The following COG2 variants were observed in gnomAD, a reference collection of about 807,000 sequenced individuals.
COG2 encodes component of oligomeric golgi complex 2, also known as conserved oligomeric Golgi complex subunit 2.
COG2 carries 52 observed loss-of-function variants against 90.6 expected under a neutral mutation model. That is an observed-to-expected ratio of 0.57 (90% CI 0.46 to 0.72). The LOEUF (loss-of-function observed/expected upper bound fraction) is 0.72, where lower values mean the gene tolerates loss of function less well. COG2 is among the 30% of genes least tolerant of loss of function. The pLI, the probability that COG2 is intolerant of heterozygous loss-of-function variation, is 0.00. For synonymous variants in COG2, 337 were observed against 320.4 expected, an observed-to-expected ratio of 1.05 and a Z score of -0.55; for missense variants, 829 against 891.2, an observed-to-expected ratio of 0.93 and a Z score of 0.89.
Position 230,687,082 on chromosome 1 carries a change from C to T in COG2, c.1528C>T (p.Arg510Cys), listed in dbSNP as rs142812849. 2.8e-4 allele frequency: 449 copies of T among 1,613,452 alleles called. 1 individual carries two copies. The African/African-American group carries it at 5.1e-3, about 18-fold the overall frequency. Residue 510 changes from arginine to cysteine, a missense_variant, in exon 13 of 18, where the codon CGC (arginine) becomes TGC (cysteine). Coordinates refer to ENST00000366669, the MANE Select transcript of COG2 (RefSeq NM_007357.3). Reference sequence around the variant, plus strand: ...AACAAAGCCTGTGGTTTCCATTTCCCGCACTCAGCTCGTGTATGTGGTTGC... The same window carrying T: ...AACAAAGCCTGTGGTTTCCATTTCCTGCACTCAGCTCGTGTATGTGGTTGC... ...SETKPVVSIS[R>C]TQLVYVVADL...
At chr1:230,645,791 C>CG (rs1321865149) in intron 1 of COG2, among the ~76,000 whole-genome samples, 14 of 152,072 alleles carry the variant, frequency 9.2e-5, no homozygotes, top group African/African-American at 3.4e-4. Flanking sequence ...ACAGATCATT[C>CG]AGCATTAGGT....
chr1:230,656,652 G>A (rs1662059853), intron 1 of COG2, among the ~76,000 whole-genome samples: 1 of 152,156 alleles, frequency 6.6e-6, no homozygotes, highest in Non-Finnish European at 1.5e-5. Context: ...CTGTCTTGTT[G>A]ATCTGTCTAA....
rs79267965 is a variant in COG2 at position 230,665,988 on chromosome 1, G to A, written c.485+1401G>A. On this transcript the variant is annotated intron_variant, in intron 5 of 17. Transcript: ENST00000366669. ...TCCAGGGCACTGTTCTTGGGACTGTGCTCTTGATCAGCACTTTCTGGGTAA... is the reference window on the plus strand; with the variant it reads ...TCCAGGGCACTGTTCTTGGGACTGTACTCTTGATCAGCACTTTCTGGGTAA... Among the ~76,000 whole-genome samples, 575 of 152,212 alleles carry A rather than the reference G, an allele frequency of 3.8e-3. 4 individuals are homozygous for A. Among genetic ancestry groups the A allele is most frequent in the African/African-American group, 0.013 (543 of 41,528 alleles).
At chr1:230,683,477 G>C (rs1418357541) in intron 10 of COG2, 97 bp from the exon 11 acceptor site, 3 of 864,528 alleles carry the variant, frequency 3.5e-6, no homozygotes, top group Non-Finnish European at 5.8e-6. Context: ...GTGAGTGACA[G>C]AGGAAGTTCC....
intron 1 of COG2, among the ~76,000 whole-genome samples, chr1:230,649,227 A>T (rs1393939398): frequency 1.3e-5 from 2 of 152,238 alleles, no homozygotes; most frequent in African/African-American, 2.4e-5. Context: ...AGGCTTCAGT[A>T]ATTTGGTAAC....
intron 1 of COG2, among the ~76,000 whole-genome samples, chr1:230,647,300 A>G (rs1232405260): frequency 6.6e-6 from 1 of 152,170 alleles, no homozygotes; most frequent in African/African-American, 2.4e-5. Context: ...GGGTCTTGGA[A>G]TATATCTCCC....
Position 230,687,116 on chromosome 1 carries a change from A to G in COG2, c.1562A>G (p.Asp521Gly), listed in dbSNP as rs1558280031. The change falls in exon 13 of 18, where the codon GAC becomes GGC. Residue 521 changes from aspartate to glycine, a missense_variant. Coordinates refer to ENST00000366669, the MANE Select transcript of COG2 (RefSeq NM_007357.3). The part of the protein sequence containing the change: ...TQLVYVVADL[D>G]KLQEQLPELL... ...CTCGTGTATGTGGTTGCAGACCTGG[A>G]CAAGCTTCAGGAGCAGGTAAGCCTG... is the stretch of plus-strand genomic sequence containing the variant. 6.2e-7 allele frequency: 1 copy of G among 1,611,106 alleles called. No individual in the cohort carries two copies. Among genetic ancestry groups the G allele is most frequent in the African/African-American group, 1.3e-5 (1 of 74,984 alleles).
chr1:230,675,544 G>C (rs945490460), intron 9 of COG2, among the ~76,000 whole-genome samples: 4 of 152,112 alleles, frequency 2.6e-5, no homozygotes, highest in African/African-American at 7.2e-5. Flanking sequence ...AAAGGAATTG[G>C]TTGGATTTTA....
chr1:230,687,131 A>G lies in COG2; in HGVS notation c.1577A>G (p.Gln526Arg). 1 of 1,607,914 alleles carries G rather than the reference A, an allele frequency of 6.2e-7. No individual in the cohort carries two copies. Among genetic ancestry groups the G allele is most frequent in the South Asian group, 1.1e-5 (1 of 89,760 alleles). ...VVADLDKLQE[Q>R]LPELLEIIKP... Reference sequence around the variant, plus strand: ...GCAGACCTGGACAAGCTTCAGGAGCAGGTAAGCCTGTGTCCCAGAATAATT... The same window carrying G: ...GCAGACCTGGACAAGCTTCAGGAGCGGGTAAGCCTGTGTCCCAGAATAATT... The change falls in exon 13 of 18, where the codon CAG (glutamine) becomes CGG (arginine). Residue 526 changes from glutamine (Q) to arginine (R), a missense_variant and splice_region_variant. Transcript: ENST00000366669.
intron 4 of COG2, 95 bp downstream of exon 4, chr1:230,663,316 G>A: frequency 1.3e-6 from 1 of 774,590 alleles, no homozygotes. Context: ...TACTCTTCTT[G>A]ATACCTTTGC....
intron 9 of COG2, chr1:230,677,985 G>A (rs1662640913): frequency 1.0e-6 from 1 of 982,682 alleles, no homozygotes; most frequent in Admixed American, 6.2e-5. Flanking sequence ...ACATAAGTTT[G>A]CCCAAAACCA....
chr1:230,667,337 G>A (rs547139885), intron 5 of COG2, among the ~76,000 whole-genome samples: 2 of 152,044 alleles, frequency 1.3e-5, no homozygotes, highest in South Asian at 4.2e-4. Context: ...AGTCTTCCTT[G>A]CTCCGAATCA....
Position 230,693,535 on chromosome 1 carries a change from A to T in COG2, c.*142A>T, listed in dbSNP as rs1439587558. ...CCAGCATCACTCCAGCAACACGCCCATGCGTCTTCTCTCAGCGTATTTGGG... is the reference window on the plus strand; with the variant it reads ...CCAGCATCACTCCAGCAACACGCCCTTGCGTCTTCTCTCAGCGTATTTGGG... On this transcript the variant is annotated 3_prime_UTR_variant, in exon 18 of 18. Transcript: ENST00000366669. 4 of 542,582 alleles carry T rather than the reference A, an allele frequency of 7.4e-6. No homozygotes were observed. Among genetic ancestry groups the T allele is most frequent in the Non-Finnish European group, 1.3e-5 (4 of 300,806 alleles). 33.6% of individuals were successfully genotyped at this position (542,582 alleles called of 1,614,324 possible). A position where few individuals can be genotyped will look rare whatever the true frequency, so the allele number is the denominator to read the frequency against.
rs966944753 is a variant in COG2, at chr1:230,693,686, T to C, written c.*293T>C. The C allele has an allele frequency of 1.3e-5, 3 of 228,192 alleles. No homozygotes were observed. The highest frequency in any genetic ancestry group is 1.1e-4 in the Admixed American group (2 of 17,582). 14.1% of individuals were successfully genotyped at this position (228,192 alleles called of 1,614,324 possible). Reference sequence around the variant, plus strand: ...TTTATTTTTATTGTAAATCTTAGTGTGGAAGAGCTGATTTCTAAAATATGA... The same window carrying C: ...TTTATTTTTATTGTAAATCTTAGTGCGGAAGAGCTGATTTCTAAAATATGA... On this transcript the variant is annotated 3_prime_UTR_variant, in exon 18 of 18. Transcript: ENST00000366669.
chr1:230,648,303 C>T (rs1405080795), intron 1 of COG2, among the ~76,000 whole-genome samples: 1 of 152,246 alleles, frequency 6.6e-6, no homozygotes, highest in African/African-American at 2.4e-5. Flanking sequence ...CCCAGTGTTG[C>T]TGAGTGCCGG....
intron 1 of COG2, chr1:230,642,972 G>T: frequency 7.8e-6 from 3 of 382,228 alleles, no homozygotes; most frequent in Non-Finnish European, 1.4e-5. Flanking sequence ...TTACCATGCA[G>T]TGCAGTCAGA....
Position 230,685,064 on chromosome 1 carries a change from T to G in COG2, c.1229-21T>G. 6 of 1,610,942 alleles carry G rather than the reference T, an allele frequency of 3.7e-6. No homozygotes were observed. In the South Asian group the frequency reaches 4.4e-5, roughly 12 times the overall value. On this transcript the variant is annotated intron_variant, in intron 11 of 17. Transcript: ENST00000366669. ...TTGCCTGAAATTCCTTAAATGTGTGTTGTTGTTGTTTTTTCTCTAGCTGAA... is the reference window on the plus strand; with the variant it reads ...TTGCCTGAAATTCCTTAAATGTGTGGTGTTGTTGTTTTTTCTCTAGCTGAA...
intron 10 of COG2, chr1:230,680,375 C>G (rs1255321672): frequency 1.1e-5 from 1 of 87,892 alleles, no homozygotes; most frequent in African/African-American, 3.0e-5. Context: ...TCCTTTTCCT[C>G]AGACCCTGGG....
chr1:230,660,676 G>GCA (rs1194387983), intron 2 of COG2, 82 bp from the exon 3 acceptor site: 5 of 844,966 alleles, frequency 5.9e-6, no homozygotes, highest in African/African-American at 5.3e-5. Context: ...CCTAAGTCTA[G>GCA]CACTACATTG....
Sources: gnomAD v4.1 joint callset for allele counts (sites outside exome capture counted in the v4.1 genomes callset) on GRCh38, gnomAD v4.1.1 for gene constraint, MANE v1.5 for transcripts, NCBI Gene and HGNC (gene_info 2026-07-23, HGNC 2026-07-21) for gene names.